Variants in TPCN2 observed in about 807,000 individuals in gnomAD.
The protein encoded by TPCN2 is two pore channel protein 2.
A neutral mutation model predicts 111.4 loss-of-function variants in TPCN2; 92 were observed. That is an observed-to-expected ratio of 0.83 (90% CI 0.70 to 0.98). The LOEUF (loss-of-function observed/expected upper bound fraction) is 0.98, where lower values mean the gene tolerates loss of function less well. TPCN2 is among the 50% of genes least tolerant of loss of function. The pLI is 0.00. For missense variants in TPCN2, 995 were observed against 980.1 expected, an observed-to-expected ratio of 1.02 and a Z score of -0.20; for synonymous variants, 405 against 414.5, an observed-to-expected ratio of 0.98 and a Z score of 0.28.
chr11:69,051,149 A>G (rs11828017), intron 1 of TPCN2, among the ~76,000 whole-genome samples: 52,483 of 152,092 alleles, frequency 0.35, 9,806 homozygotes, highest in African/African-American at 0.47. Flanking sequence ...GGTTGTGGTG[A>G]GGGCTGCTGC....
At chr11:69,068,291 G>C (rs1443657442) in intron 8 of TPCN2, among the ~76,000 whole-genome samples, 4 of 150,734 alleles carry the variant, frequency 2.7e-5, no homozygotes, top group Admixed American at 2.6e-4. Context: ...TGAGTCCTAG[G>C]AAGTGACCGC....
Position 69,085,920 on chromosome 11 carries a change from T to C in TPCN2, c.1993T>C (p.Tyr665His). 6.2e-7 allele frequency: 1 copy of C among 1,614,074 alleles called. No homozygotes were observed. The highest frequency in any genetic ancestry group is 8.5e-7 in the Non-Finnish European group (1 of 1,179,936). ...GGTGTTTCTGGATGCATATCGGCGCTACTCAGGCCCGTGAGTCCTCGTCTC... is the reference window on the plus strand; with the variant it reads ...GGTGTTTCTGGATGCATATCGGCGCCACTCAGGCCCGTGAGTCCTCGTCTC... ...WQVFLDAYRR[Y>H]SGPWSKIYFV... The change falls in exon 22 of 25, where the codon TAC becomes CAC. Residue 665 changes from tyrosine (Y) to histidine (H), a missense_variant. By Grantham distance (83) the Tyr-to-His change is moderately conservative (BLOSUM62 2). Transcript: ENST00000294309.
intron 7 of TPCN2, among the ~76,000 whole-genome samples, chr11:69,067,153 C>G (rs1259147227): frequency 6.6e-6 from 1 of 152,232 alleles, no homozygotes; most frequent in Non-Finnish European, 1.5e-5. Flanking sequence ...CCTGCCTCTG[C>G]CCCGTAGCCT....
chr11:69,054,890 C>T lies in TPCN2; in HGVS notation c.251+93C>T, dbSNP rs1489726704. On this transcript the variant is annotated intron_variant, in intron 3 of 24. Coordinates refer to ENST00000294309, the MANE Select transcript of TPCN2 (RefSeq NM_139075.4). ...CCTGGGGATCACCTGGTCTCAGGGT[C>T]CAGGCAGGCTCCCCACTACATAGAT... is the stretch of plus-strand genomic sequence containing the variant. The T allele has an allele frequency of 3.1e-6, 4 of 1,305,990 alleles. No homozygotes were observed. In the Admixed American group the frequency reaches 5.8e-5, roughly 19 times the overall value. 80.9% of individuals were successfully genotyped at this position (1,305,990 alleles called of 1,614,324 possible).
intron 24 of TPCN2, among the ~76,000 whole-genome samples, chr11:69,087,549 C>T (rs1241737839): frequency 6.6e-6 from 1 of 152,182 alleles, no homozygotes; most frequent in Non-Finnish European, 1.5e-5. Flanking sequence ...GAGATGGTTC[C>T]TCTGCTAGTC....
chr11:69,072,060 T>C (rs1855559564), intron 11 of TPCN2, 37 bp downstream of exon 11: 3 of 1,558,576 alleles, frequency 1.9e-6, no homozygotes, highest in Non-Finnish European at 2.6e-6. Context: ...TCCCTGAGGG[T>C]GGGTGCTGTG....
In TPCN2 at chr11:69,083,750, C is replaced by T. The variant is rs571928024; in HGVS notation, c.1690-195C>T. 7.9e-5 allele frequency among the ~76,000 whole-genome samples: 12 copies of T among 151,896 alleles called. No individual in the cohort carries two copies. The East Asian group carries it at 1.6e-3, about 20-fold the overall frequency. ...GGGTGCGAGGGTGTGTATGGGTGGA[C>T]GTGGGGGCCTGACAGGCTGTGTGGG... On this transcript the variant is annotated intron_variant, in intron 18 of 24. Transcript: ENST00000294309.
At chr11:69,064,282 TCCC>T (rs1161347803) in intron 7 of TPCN2, among the ~76,000 whole-genome samples, 7 of 61,072 alleles carry the variant, frequency 1.1e-4, no homozygotes, top group African/African-American at 2.5e-4. Context: ...CCCACTTCCC[TCCC>T]CCCTCCCTAT....
intron 10 of TPCN2, 80 bp downstream of exon 10, chr11:69,071,500 G>A: frequency 7.5e-7 from 1 of 1,326,118 alleles, no homozygotes; most frequent in Non-Finnish European, 1.1e-6. Context: ...GAGCAGCTGG[G>A]TGACCCTTGC....
At chr11:69,049,564 C>T (rs1861121071) in intron 1 of TPCN2, among the ~76,000 whole-genome samples, 1 of 152,248 alleles carries the variant, frequency 6.6e-6, no homozygotes, top group South Asian at 2.1e-4. Context: ...GAGGCGTTAC[C>T]CTACCCAAGG....
chr11:69,053,273 G>T (rs1861315844), intron 1 of TPCN2, among the ~76,000 whole-genome samples: 4 of 152,240 alleles, frequency 2.6e-5, no homozygotes, highest in Admixed American at 2.6e-4. Flanking sequence ...ACCACAGAAG[G>T]CACCGGCAGA....
At chr11:69,057,124 C>T (rs1462755184) in intron 4 of TPCN2, among the ~76,000 whole-genome samples, 1 of 152,228 alleles carries the variant, frequency 6.6e-6, no homozygotes, top group Non-Finnish European at 1.5e-5. Flanking sequence ...AGGCGTGAGC[C>T]ACCGCCTTCT....
chr11:69,074,982 C>T (rs75261716), intron 13 of TPCN2, among the ~76,000 whole-genome samples: 5,849 of 152,264 alleles, frequency 0.038, 238 homozygotes, highest in East Asian at 0.12. Flanking sequence ...GTTCCTCCTC[C>T]CGTGATGATG....
chr11:69,081,164 T>C (rs757615518), intron 17 of TPCN2, among the ~76,000 whole-genome samples: 6 of 151,846 alleles, frequency 4.0e-5, no homozygotes, highest in Middle Eastern at 6.8e-3. Context: ...TGGGAAGGTG[T>C]TGGGGGGATG....
chr11:69,052,622 G>A (rs1861280451), intron 1 of TPCN2, among the ~76,000 whole-genome samples: 2 of 152,112 alleles, frequency 1.3e-5, no homozygotes, highest in South Asian at 4.1e-4. Flanking sequence ...CCGGTCTCCT[G>A]CCTCTGTCTG....
intron 3 of TPCN2, 55 bp from the exon 4 acceptor site, chr11:69,055,120 C>G: frequency 6.3e-7 from 1 of 1,581,856 alleles, no homozygotes; most frequent in Middle Eastern, 1.7e-4. Context: ...TGACCAGCCT[C>G]TGGGCCCTGA....
At position 69,067,556 on chromosome 11, in the gene TPCN2, G is replaced by A. The variant is rs1466507575; in HGVS notation, c.780G>A (p.Glu260=). Residue 260 remains glutamate, a synonymous_variant, in exon 8 of 25, where the codon GAG becomes GAA. Transcript: ENST00000294309. Reference sequence around the variant, plus strand: ...TGACCTACTTCCAGAACCTGCCTGAGTCTCTGACTTCCCTCCTGGTGCTGC... The same window carrying A: ...TGACCTACTTCCAGAACCTGCCTGAATCTCTGACTTCCCTCCTGGTGCTGC... The part of the protein sequence containing the change: ...ERLTYFQNLP[E]SLTSLLVLLT... The A allele has an allele frequency of 6.2e-7, 1 of 1,613,936 alleles. No homozygotes were observed. Among genetic ancestry groups the A allele is most frequent in the African/African-American group, 1.3e-5 (1 of 74,934 alleles).
chr11:69,060,365 G>A (rs1173892136), intron 5 of TPCN2, among the ~76,000 whole-genome samples: 2 of 152,220 alleles, frequency 1.3e-5, no homozygotes, highest in East Asian at 1.9e-4. Context: ...TTCCTCTGTG[G>A]CCAGCTGTCC....
In TPCN2 at chr11:69,084,015, T is replaced by G. The variant is rs1351417321; in HGVS notation, c.1760T>G (p.Val587Gly). 3 of 1,613,832 alleles carry G rather than the reference T, an allele frequency of 1.9e-6. No individual in the cohort carries two copies. In the African/African-American group the frequency reaches 4.0e-5, roughly 22 times the overall value. ...ATGCGTGCGTTTGGCGGGATCCTGG[T>G]GGTGAGTCCCAGGCTGCTGCTGGTG... ...QNMRAFGGIL[V>G]VVYYVFAIIG... The change falls in exon 19 of 25, where the codon GTG (valine) becomes GGG (glycine). Residue 587 changes from valine (V) to glycine (G), a missense_variant and splice_region_variant. Physicochemically the swap from Val to Gly is moderately radical, Grantham distance 109. Coordinates refer to ENST00000294309, the MANE Select transcript of TPCN2 (RefSeq NM_139075.4).
Sources: gnomAD v4.1 joint callset for allele counts (sites outside exome capture counted in the v4.1 genomes callset) on GRCh38, gnomAD v4.1.1 for gene constraint, MANE v1.5 for transcripts, NCBI Gene and HGNC (gene_info 2026-07-23, HGNC 2026-07-21) for gene names.